Variants in NELL2 observed in about 807,000 individuals in gnomAD.
NELL2 encodes neural EGFL like 2.
Under a neutral mutation model 109.6 loss-of-function variants are expected in NELL2, and 41 were observed. That is an observed-to-expected ratio of 0.37 (90% CI 0.29 to 0.49). The LOEUF is 0.49. Ranked by LOEUF, NELL2 falls within the 20% of genes least tolerant of loss-of-function variation. The pLI is 0.98. For missense variants in NELL2, 900 were observed against 1,008.3 expected, an observed-to-expected ratio of 0.89 and a Z score of 1.45; for synonymous variants, 355 against 344.7, an observed-to-expected ratio of 1.03 and a Z score of -0.33.
intron 9 of NELL2, among the ~76,000 whole-genome samples, chr12:44,766,048 C>T (rs2408049): frequency 0.36 from 54,719 of 150,914 alleles, 11,152 homozygotes; most frequent in Non-Finnish European, 0.46. Context: ...ATTGTGCCAC[C>T]ACACTCCAGC....
At chr12:44,708,083 A>G (rs753334992) in intron 11 of NELL2, among the ~76,000 whole-genome samples, 1 of 152,186 alleles carries the variant, frequency 6.6e-6, no homozygotes, top group African/African-American at 2.4e-5. Context: ...AACCAGAAGG[A>G]CTGTGGATAT....
intron 15 of NELL2, among the ~76,000 whole-genome samples, chr12:44,552,257 T>C (rs995283250): frequency 2.0e-5 from 3 of 152,204 alleles, no homozygotes; most frequent in African/African-American, 7.2e-5. Flanking sequence ...ATTGGTAACT[T>C]TGGATTGCTT....
chr12:44,666,893 T>C (rs1200081416), intron 12 of NELL2, among the ~76,000 whole-genome samples: 1 of 152,196 alleles, frequency 6.6e-6, no homozygotes, highest in Non-Finnish European at 1.5e-5. Context: ...TGCTCTTTCT[T>C]ACCTATCATC....
intron 15 of NELL2, among the ~76,000 whole-genome samples, chr12:44,557,125 C>T (rs1943287670): frequency 6.6e-6 from 1 of 152,162 alleles, no homozygotes; most frequent in East Asian, 1.9e-4. Flanking sequence ...CTTTCTCGTT[C>T]TCCCATGAAA....
In NELL2 at chr12:44,711,268, C is replaced by A. The variant is rs767927762; in HGVS notation, c.1189+24G>T. 1.9e-6 allele frequency: 3 copies of A among 1,555,886 alleles called. 1 individual carries two copies. The highest frequency in any genetic ancestry group is 2.2e-5 in the South Asian group (2 of 89,898). ...TACTATAATAACTCTTGCACGTAAA[C>A]CTTACTTTTCAAAAAAGTCTTACCT... On this transcript the variant is annotated intron_variant, in intron 11 of 19. Transcript: ENST00000429094.
At chr12:44,518,600 G>A (rs1941386570) in intron 19 of NELL2, among the ~76,000 whole-genome samples, 1 of 151,890 alleles carries the variant, frequency 6.6e-6, no homozygotes, top group South Asian at 2.1e-4. Flanking sequence ...GCCTATTACT[G>A]TATGCATTTT....
At chr12:44,566,988 T>A (rs1943686393) in intron 15 of NELL2, among the ~76,000 whole-genome samples, 1 of 152,130 alleles carries the variant, frequency 6.6e-6, no homozygotes, top group African/African-American at 2.4e-5. Flanking sequence ...ATTTTTGTAT[T>A]TTCAGTAGAG....
At chr12:44,882,079 A>G (rs986762153) in intron 1 of NELL2, among the ~76,000 whole-genome samples, 3 of 151,988 alleles carry the variant, frequency 2.0e-5, no homozygotes, top group African/African-American at 4.8e-5. Context: ...AGATAAAGAA[A>G]ATCTTTAAAA....
intron 15 of NELL2, among the ~76,000 whole-genome samples, chr12:44,587,682 A>G (rs2136220502): frequency 6.6e-6 from 1 of 152,222 alleles, no homozygotes; most frequent in South Asian, 2.1e-4. Context: ...AGCTACGTTT[A>G]TTTTAAAACT....
chr12:44,808,740 CTAA>C (rs982973308), intron 3 of NELL2, among the ~76,000 whole-genome samples: 24 of 151,998 alleles, frequency 1.6e-4, no homozygotes, highest in African/African-American at 5.5e-4. Context: ...TTTTTACTTA[CTAA>C]TGTCAAGAAA....
rs573320514 is a variant in NELL2 at position 44,911,309 on chromosome 12, G to A, written c.38+2490C>T. On this transcript the variant is annotated intron_variant, in intron 1 of 20. Coordinates refer to the NELL2 transcript ENST00000333837. Reference sequence around the variant, plus strand: ...TTTAGAAAATTGTTCCAATCATTCTGAACATTGATTAGTCTTATTCAATTT... The same window carrying A: ...TTTAGAAAATTGTTCCAATCATTCTAAACATTGATTAGTCTTATTCAATTT... 5.9e-5 allele frequency among the ~76,000 whole-genome samples: 9 copies of A among 151,940 alleles called. No individual in the cohort carries two copies. In the South Asian group the frequency reaches 1.9e-3, roughly 32 times the overall value.
At chr12:44,648,863 G>T (rs7302107) in intron 13 of NELL2, among the ~76,000 whole-genome samples, 59,859 of 147,134 alleles carry the variant, frequency 0.41, 12,604 homozygotes, top group East Asian at 0.7. Flanking sequence ...AGCTTCCCAA[G>T]TAGCTGGGAT....
At chr12:44,868,373 C>T (rs1384031096) in intron 2 of NELL2, among the ~76,000 whole-genome samples, 2 of 152,140 alleles carry the variant, frequency 1.3e-5, no homozygotes, top group Non-Finnish European at 2.9e-5. Context: ...AAATGATCTA[C>T]AGATTTACTG....
intron 13 of NELL2, among the ~76,000 whole-genome samples, chr12:44,662,861 C>G (rs1437131126): frequency 1.3e-5 from 2 of 151,968 alleles, no homozygotes; most frequent in Non-Finnish European, 2.9e-5. Context: ...GAAAGAAGGG[C>G]AGGGATACAG....
At chr12:44,684,748 T>C (rs1369932143) in intron 12 of NELL2, among the ~76,000 whole-genome samples, 2 of 152,240 alleles carry the variant, frequency 1.3e-5, no homozygotes, top group Non-Finnish European at 2.9e-5. Context: ...TTCTTAATCC[T>C]GAGTTCTAGT....
In NELL2 at chr12:44,714,755, A is replaced by G. The variant is rs1938397191; in HGVS notation, c.995-14T>C. 5.3e-6 allele frequency: 8 copies of G among 1,512,254 alleles called. No homozygotes were observed. Among genetic ancestry groups the G allele is most frequent in the African/African-American group, 1.4e-5 (1 of 71,160 alleles). 93.7% of individuals were successfully genotyped at this position (1,512,254 alleles called of 1,614,324 possible). A position where few individuals can be genotyped will look rare whatever the true frequency, so the allele number is the denominator to read the frequency against. ...ATTGGCATATCGCTTTGGAGTAAAA[A>G]ATACATATATATTTATTTTATTGGG... On this transcript the variant is annotated splice_polypyrimidine_tract_variant and intron_variant, in intron 9 of 19. Transcript: ENST00000429094.
At chr12:44,716,152 A>G (rs974432506) in intron 9 of NELL2, among the ~76,000 whole-genome samples, 2 of 152,136 alleles carry the variant, frequency 1.3e-5, no homozygotes, top group African/African-American at 2.4e-5. Flanking sequence ...TTCCCAAAGT[A>G]TAACCTGACT....
At chr12:44,747,016 A>C (rs1371989397) in intron 9 of NELL2, among the ~76,000 whole-genome samples, 2 of 152,236 alleles carry the variant, frequency 1.3e-5, no homozygotes, top group Non-Finnish European at 2.9e-5. Context: ...TTATAGCAGC[A>C]CTATTCACAA....
At chr12:44,727,524 G>A (rs1326613048) in intron 9 of NELL2, among the ~76,000 whole-genome samples, 1 of 152,034 alleles carries the variant, frequency 6.6e-6, no homozygotes, top group Non-Finnish European at 1.5e-5. Context: ...GAAGAAGAGG[G>A]AGATGGAGAG....
Sources: allele counts gnomAD v4.1 joint callset (sites outside exome capture counted in the v4.1 genomes callset), GRCh38; gene constraint gnomAD v4.1.1; transcripts MANE v1.5; gene names NCBI Gene and HGNC (gene_info 2026-07-23, HGNC 2026-07-21).